The following PHF24 variants were observed in gnomAD, a reference collection of about 807,000 sequenced individuals.
PHF24 encodes PHD finger protein 24, also known as Galpha inhibitory interacting protein.
A neutral mutation model predicts 42.6 loss-of-function variants in PHF24; 25 were observed. That is an observed-to-expected ratio of 0.59 (90% CI 0.43 to 0.82). The LOEUF is 0.82. Ranked by LOEUF, PHF24 falls within the 40% of genes least tolerant of loss-of-function variation. The pLI, the probability that PHF24 is intolerant of heterozygous loss-of-function variation, is 0.00. For missense variants in PHF24, 470 were observed against 538.1 expected, an observed-to-expected ratio of 0.87 and a Z score of 1.25; for synonymous variants, 185 against 204.8, an observed-to-expected ratio of 0.90 and a Z score of 0.83.
the PHF24 span, among the ~76,000 whole-genome samples, chr9:34,780,228 G>A: frequency 4.0e-5 from 6 of 150,846 alleles, no homozygotes; most frequent in Admixed American, 3.3e-4. Flanking sequence ...AATATGGGGA[G>A]AAATCTTTAT....
At chr9:34,704,800 A>C in the PHF24 span, among the ~76,000 whole-genome samples, 210 of 152,278 alleles carry the variant, frequency 1.4e-3, no homozygotes, top group African/African-American at 5.0e-3. Context: ...TGCGCCACTC[A>C]CTTCAGCCTG....
the PHF24 span, among the ~76,000 whole-genome samples, chr9:34,796,668 T>C: frequency 6.6e-6 from 1 of 152,192 alleles, no homozygotes; most frequent in Non-Finnish European, 1.5e-5. Context: ...TATCAAGTAC[T>C]AGCAAGAAAG....
chr9:34,756,898 TTTTTCTTTTC>T, the PHF24 span, among the ~76,000 whole-genome samples: 1 of 151,876 alleles, frequency 6.6e-6, no homozygotes, highest in Non-Finnish European at 1.5e-5. Context: ...TTCATCAGTG[TTTTTCTTTTC>T]TTTTCTTTTC....
chr9:34,684,626 T>A, the PHF24 span, among the ~76,000 whole-genome samples: 1 of 152,186 alleles, frequency 6.6e-6, no homozygotes, highest in African/African-American at 2.4e-5. Flanking sequence ...GTTCCTCAAC[T>A]GATGAGCACT....
the PHF24 span, among the ~76,000 whole-genome samples, chr9:34,750,395 C>T: frequency 6.6e-6 from 1 of 151,876 alleles, no homozygotes; most frequent in Non-Finnish European, 1.5e-5. Context: ...GAGGGTGTGG[C>T]ATGAGAATTG....
chr9:34,776,455 T>C, the PHF24 span, among the ~76,000 whole-genome samples: 4 of 152,248 alleles, frequency 2.6e-5, no homozygotes, highest in Non-Finnish European at 5.9e-5. Flanking sequence ...AGAGATTCTT[T>C]CTTTGTTTGG....
the PHF24 span, chr9:34,689,488 G>T: frequency 3.2e-6 from 1 of 311,272 alleles, no homozygotes; most frequent in Non-Finnish European, 5.9e-6. This position sits in a 1 kb window ranked among gnomAD's most constrained non-coding sequence, Gnocchi z 4.1. Context: ...TGGGTGCCAG[G>T]TGCCTTTTTT....
chr9:34,666,552 ATTTTTT>A, the PHF24 span, among the ~76,000 whole-genome samples: 1 of 132,610 alleles, frequency 7.5e-6, no homozygotes, highest in Non-Finnish European at 1.6e-5. Flanking sequence ...TCTTCTTGTG[ATTTTTT>A]TTTTTTTTTT....
chr9:34,759,350 T>C, the PHF24 span, among the ~76,000 whole-genome samples: 1 of 152,208 alleles, frequency 6.6e-6, no homozygotes, highest in African/African-American at 2.4e-5. Flanking sequence ...CATCATGTTA[T>C]TATAAAACCT....
the PHF24 span, among the ~76,000 whole-genome samples, chr9:34,696,765 T>C: frequency 6.6e-6 from 1 of 152,182 alleles, no homozygotes; most frequent in Non-Finnish European, 1.5e-5. Flanking sequence ...TCTTCCTTGG[T>C]GGCAGAGGAT....
the PHF24 span, among the ~76,000 whole-genome samples, chr9:34,696,703 T>G: frequency 6.6e-6 from 1 of 152,044 alleles, no homozygotes; most frequent in South Asian, 2.1e-4. Context: ...ATGGTGACAT[T>G]TGAGCAGAGA....
the PHF24 span, among the ~76,000 whole-genome samples, chr9:34,863,730 G>A: frequency 1.3e-5 from 2 of 152,074 alleles, no homozygotes; most frequent in Admixed American, 6.5e-5. Context: ...TTTCAATACC[G>A]AGACACCAAC....
chr9:34,692,882 G>C, the PHF24 span, among the ~76,000 whole-genome samples: 1 of 151,342 alleles, frequency 6.6e-6, no homozygotes, highest in East Asian at 1.9e-4. Context: ...CACCTCCTGG[G>C]CTCAAGGGAT....
At chr9:34,690,531 G>C in the PHF24 span, among the ~76,000 whole-genome samples, 1 of 149,448 alleles carries the variant, frequency 6.7e-6, no homozygotes, top group African/African-American at 2.5e-5. Flanking sequence ...TATGGCTCTG[G>C]CTCTACTGGT....
chr9:34,943,408 A>G, the PHF24 span, among the ~76,000 whole-genome samples: 2 of 152,266 alleles, frequency 1.3e-5, no homozygotes, highest in Non-Finnish European at 2.9e-5. Context: ...GGAAAAAATG[A>G]CCACTGGGTG....
chr9:34,887,759 GTTTT>G, the PHF24 span, among the ~76,000 whole-genome samples: 2 of 152,010 alleles, frequency 1.3e-5, no homozygotes, highest in African/African-American at 4.8e-5. Flanking sequence ...TATATACTAT[GTTTT>G]TTATTTATAC....
the PHF24 span, among the ~76,000 whole-genome samples, chr9:34,911,376 C>G: frequency 1.3e-5 from 2 of 152,136 alleles, no homozygotes; most frequent in South Asian, 4.1e-4. Context: ...GCCTCAGCCT[C>G]CCAAGTAGCT....
At chr9:34,914,039 A>C in the PHF24 span, among the ~76,000 whole-genome samples, 1 of 152,234 alleles carries the variant, frequency 6.6e-6, no homozygotes, top group Admixed American at 6.5e-5. Flanking sequence ...TTGTATAGTC[A>C]CTTCACAGAT....
the PHF24 span, among the ~76,000 whole-genome samples, chr9:34,720,019 G>C: frequency 6.6e-6 from 1 of 152,144 alleles, no homozygotes; most frequent in Non-Finnish European, 1.5e-5. Flanking sequence ...TATCCAAGCA[G>C]TGGACACATT....
Sources: allele counts gnomAD v4.1 joint callset (sites outside exome capture counted in the v4.1 genomes callset), GRCh38; gene constraint gnomAD v4.1.1; non-coding constraint Gnocchi (gnomAD v3.1); transcripts MANE v1.5; gene names NCBI Gene and HGNC (gene_info 2026-07-23, HGNC 2026-07-21).